The following STC1 variants were observed in gnomAD, a reference collection of about 807,000 sequenced individuals.
STC1 encodes the protein stanniocalcin 1.
In STC1, 7 loss-of-function variants were observed where a neutral mutation model predicts 22.6. That is an observed-to-expected ratio of 0.31 (90% CI 0.18 to 0.58). The LOEUF (loss-of-function observed/expected upper bound fraction) is 0.58. Ranked by LOEUF, STC1 falls within the 20% of genes least tolerant of loss-of-function variation. STC1 has a pLI of 0.89. For missense variants in STC1, 224 were observed against 311.0 expected (o/e 0.72, Z 2.10); for synonymous variants, 113 against 120.7 (o/e 0.94, Z 0.42).
At chr8:23,853,302 C>T (rs1245909219) in intron 1 of STC1, among the ~76,000 whole-genome samples, 1 of 152,146 alleles carries the variant, frequency 6.6e-6, no homozygotes, top group African/African-American at 2.4e-5. Context: ...TTCCCCACCC[C>T]CTCCCACCAC....
intron 1 of STC1, among the ~76,000 whole-genome samples, chr8:23,853,121 A>C (rs1215763808): frequency 1.3e-5 from 2 of 152,238 alleles, no homozygotes; most frequent in Non-Finnish European, 2.9e-5. Context: ...ACTGGAAGAA[A>C]ACCGCAAAAA....
Position 23,842,868 on chromosome 8 carries a change from G to A in STC1, c.*1902C>T. The stretch of plus-strand genomic sequence containing the variant: ...CAAAGGCAGCAATGTTTGTGCTGCT[G>A]CTGCTGCTGCTGGGTCTGCTGCAAT... On this transcript the variant is annotated 3_prime_UTR_variant, in exon 4 of 4. Coordinates refer to ENST00000290271, the MANE Select transcript of STC1 (RefSeq NM_003155.3). The A allele has an allele frequency of 6.4e-6, 1 of 155,870 alleles. No individual in the cohort carries two copies. Among genetic ancestry groups the A allele is most frequent in the Middle Eastern group, 1.7e-3 (1 of 606 alleles). The allele number at this position is 155,870 out of a possible 1,614,324, so 9.7% of individuals were successfully genotyped here.
At chr8:23,846,613 T>C (rs1802576559) in intron 3 of STC1, among the ~76,000 whole-genome samples, 1 of 152,126 alleles carries the variant, frequency 6.6e-6, no homozygotes, top group African/African-American at 2.4e-5. Flanking sequence ...GGAACGTGGG[T>C]AATGAGGTGA....
Position 23,852,307 on chromosome 8 carries a change from C to T in STC1, c.196G>A (p.Asp66Asn). 6.2e-7 allele frequency: 1 copy of T among 1,614,086 alleles called. No individual in the cohort carries two copies. The highest frequency in any genetic ancestry group is 8.5e-7 in the Non-Finnish European group (1 of 1,179,996). ...AFACLENSTCDTDGMYDICKS... is the reference protein window; with the variant it reads ...AFACLENSTCNTDGMYDICKS... Reference sequence around the variant, plus strand: ...CAGATGTCATACATCCCATCTGTGTCACAGGTGGAGTTTTCCAGGCATGCA... The same window carrying T: ...CAGATGTCATACATCCCATCTGTGTTACAGGTGGAGTTTTCCAGGCATGCA... Residue 66 changes from aspartate (D) to asparagine (N), a missense_variant, in exon 2 of 4, where the codon GAC (aspartate) becomes AAC (asparagine). By Grantham distance (23) the Asp-to-Asn change is conservative. Coordinates refer to ENST00000290271, the MANE Select transcript of STC1 (RefSeq NM_003155.3).
In STC1 at chr8:23,851,349, G is replaced by A. The variant is rs780810467; in HGVS notation, c.444C>T (p.Val148=). ...TGGAGAAGTGATTGGGCAGCTGGAC[G>A]ACCTCAGTGATGGCTTCAGGGTTCC... ...AKRNPEAITE[V]VQLPNHFSNR... The change falls in exon 3 of 4, where the codon GTC becomes GTT. Residue 148 remains valine (V), a synonymous_variant. Coordinates refer to ENST00000290271, the MANE Select transcript of STC1 (RefSeq NM_003155.3). 5 of 1,613,964 alleles carry A rather than the reference G, an allele frequency of 3.1e-6. No homozygotes were observed. The highest frequency in any genetic ancestry group is 2.2e-5 in the East Asian group (1 of 44,872).
chr8:23,845,122 A>G lies in STC1; in HGVS notation c.474-82T>C, dbSNP rs1320241752. 3.4e-6 allele frequency: 5 copies of G among 1,457,600 alleles called. No individual in the cohort carries two copies. The East Asian group carries it at 1.1e-4, about 33-fold the overall frequency. The allele number at this position is 1,457,600 out of a possible 1,614,324, so 90.3% of individuals were successfully genotyped here. A position where few individuals can be genotyped will look rare whatever the true frequency, so the allele number is the denominator to read the frequency against. On this transcript the variant is annotated intron_variant, in intron 3 of 3. Transcript: ENST00000290271. ...CAGGCTTTCACCCGGGCTCTAGCCA[A>G]CACGAGTCCCTAATGGCCTGACCAT... is the stretch of plus-strand genomic sequence containing the variant.
rs1391601830 is a variant in STC1 at position 23,851,491 on chromosome 8, T to C, written c.302A>G (p.Asn101Ser). ...FVKESLKCIA[N>S]GVTSKVFLAI... ...GAGGAAGACCTTGGAGGTGACCCCG[T>C]TGGCGATGCATTTTAAGCTCTCTTT... Residue 101 changes from asparagine to serine, a missense_variant, in exon 3 of 4, where the codon AAC (asparagine) becomes AGC (serine). Asn to Ser is a conservative substitution (Grantham distance 46). Coordinates refer to ENST00000290271, the MANE Select transcript of STC1 (RefSeq NM_003155.3). The C allele has an allele frequency of 1.2e-6, 2 of 1,614,046 alleles. No individual in the cohort carries two copies. Among genetic ancestry groups the C allele is most frequent in the Non-Finnish European group, 1.7e-6 (2 of 1,180,034 alleles).
chr8:23,847,515 TA>T (rs1375273024), intron 3 of STC1, among the ~76,000 whole-genome samples: 1 of 152,208 alleles, frequency 6.6e-6, no homozygotes, highest in Non-Finnish European at 1.5e-5. Flanking sequence ...CTTTAGAATA[TA>T]AAACAAAGTC....
intron 2 of STC1, 146 bp from the exon 3 acceptor site, chr8:23,851,677 C>T (rs1258302054): frequency 2.7e-5 from 17 of 628,320 alleles, no homozygotes; most frequent in South Asian, 4.3e-5. Flanking sequence ...TTGCATGTCT[C>T]GGCTAAGGAT....
intron 1 of STC1, among the ~76,000 whole-genome samples, chr8:23,853,035 A>AAAAG (rs34552249): frequency 0.33 from 49,914 of 150,688 alleles, 8,332 homozygotes; most frequent in African/African-American, 0.38. Flanking sequence ...AGCCTTTTAA[A>AAAAG]AAAGAAAGAA....
At position 23,851,367 on chromosome 8, in the gene STC1, A is replaced by G; in HGVS notation, c.426T>C (p.Pro142=). The part of the protein sequence containing the change: ...LNVCSIAKRN[P]EAITEVVQLP... ...GCTGGACGACCTCAGTGATGGCTTCAGGGTTCCGCTTGGCGATGCTGCACA... is the reference window on the plus strand; with the variant it reads ...GCTGGACGACCTCAGTGATGGCTTCGGGGTTCCGCTTGGCGATGCTGCACA... The change falls in exon 3 of 4, where the codon CCT becomes CCC. Residue 142 remains proline (P), a synonymous_variant. Transcript: ENST00000290271. The G allele has an allele frequency of 1.2e-6, 2 of 1,614,154 alleles. No individual in the cohort carries two copies. The highest frequency in any genetic ancestry group is 1.7e-6 in the Non-Finnish European group (2 of 1,180,044).
chr8:23,854,780 T>C lies in STC1; in HGVS notation c.-257A>G, dbSNP rs1475135494. On this transcript the variant is annotated 5_prime_UTR_variant, in exon 1 of 4. Coordinates refer to ENST00000290271, the MANE Select transcript of STC1 (RefSeq NM_003155.3). ...CTGCTGCTGCTGCTGCAGTCGCTGCTTCTTGCACCTCTGGCTTTTGCAAAC... is the reference window on the plus strand; with the variant it reads ...CTGCTGCTGCTGCTGCAGTCGCTGCCTCTTGCACCTCTGGCTTTTGCAAAC... 1.2e-5 allele frequency: 7 copies of C among 579,950 alleles called. No homozygotes were observed. Among genetic ancestry groups the C allele is most frequent in the Non-Finnish European group, 2.2e-5 (7 of 312,314 alleles). The allele number at this position is 579,950 out of a possible 1,614,324, so 35.9% of individuals were successfully genotyped here. A position where few individuals can be genotyped will look rare whatever the true frequency, so the allele number is the denominator to read the frequency against.
chr8:23,853,271 A>C (rs954933389), intron 1 of STC1, among the ~76,000 whole-genome samples: 5 of 152,236 alleles, frequency 3.3e-5, no homozygotes, highest in Non-Finnish European at 7.3e-5. Flanking sequence ...CTCTGAGATC[A>C]AAAGCATGGT....
chr8:23,848,638 C>T (rs577648890), intron 3 of STC1, among the ~76,000 whole-genome samples: 3 of 150,256 alleles, frequency 2.0e-5, no homozygotes, highest in Non-Finnish European at 4.4e-5. Flanking sequence ...GTGTTCTGAT[C>T]ACCCAGCCCG....
intron 3 of STC1, among the ~76,000 whole-genome samples, chr8:23,846,784 C>T (rs543133941): frequency 2.0e-5 from 3 of 152,260 alleles, no homozygotes; most frequent in East Asian, 3.9e-4. Flanking sequence ...GGAACATTGT[C>T]CAACTCTTTG....
At chr8:23,852,657 G>A (rs1802652013) in intron 1 of STC1, among the ~76,000 whole-genome samples, 2 of 152,152 alleles carry the variant, frequency 1.3e-5, no homozygotes, top group Non-Finnish European at 2.9e-5. Flanking sequence ...CAATTTTGGT[G>A]TCTGGAGAAG....
At position 23,844,674 on chromosome 8, in the gene STC1, A is replaced by T. The variant is rs570312333; in HGVS notation, c.*96T>A. 4.3e-4 allele frequency: 620 copies of T among 1,427,014 alleles called. 1 individual carries two copies. Among genetic ancestry groups the T allele is most frequent in the Non-Finnish European group, 5.4e-4 (574 of 1,058,032 alleles). 88.4% of individuals were successfully genotyped at this position (1,427,014 alleles called of 1,614,324 possible). A position where few individuals can be genotyped will look rare whatever the true frequency, so the allele number is the denominator to read the frequency against. On this transcript the variant is annotated 3_prime_UTR_variant, in exon 4 of 4. Transcript: ENST00000290271. ...GGGGATAGAAAATAGGAACTACTTT[A>T]AAAAAATCAAACCAGGCACAGTACA...
Position 23,844,856 on chromosome 8 carries a change from G to A in STC1, c.658C>T (p.Gln220Ter). 2 of 1,614,086 alleles carry A rather than the reference G, an allele frequency of 1.2e-6. No homozygotes were observed. Among genetic ancestry groups the A allele is most frequent in the Non-Finnish European group, 1.7e-6 (2 of 1,180,012 alleles). ...TTCCTGAGGAGGACTTTCAGCTTCT[G>A]CGGCTCATTGGTGCGTCTCCTGTTG... ...DFNRRRTNEP[Q>*]KLKVLLRNLR... The change falls in exon 4 of 4, where the codon CAG becomes TAG. Residue 220 changes from glutamine to a stop codon, truncating the protein, a stop_gained. Coordinates refer to ENST00000290271, the MANE Select transcript of STC1 (RefSeq NM_003155.3). LOFTEE classifies it high-confidence loss of function.
At chr8:23,853,647 A>C (rs1443367563) in intron 1 of STC1, among the ~76,000 whole-genome samples, 1 of 152,224 alleles carries the variant, frequency 6.6e-6, no homozygotes, top group Admixed American at 6.5e-5. Flanking sequence ...AGAGGTGTCA[A>C]TGCAGGCTTC....
Sources: gnomAD v4.1 joint callset for allele counts (sites outside exome capture counted in the v4.1 genomes callset) on GRCh38, gnomAD v4.1.1 for gene constraint, MANE v1.5 for transcripts, NCBI Gene and HGNC (gene_info 2026-07-23, HGNC 2026-07-21) for gene names.